ATG3: variants seen among roughly 807,000 people sequenced by gnomAD.
The protein encoded by ATG3 is autophagy related 3.
In ATG3, 25 loss-of-function variants were observed where a neutral mutation model predicts 50.7. The observed-to-expected ratio is 0.49, with a 90% confidence interval of 0.36 to 0.69. The LOEUF is 0.69. ATG3 is among the 30% of genes least tolerant of loss of function. The probability of loss-of-function intolerance (pLI) is 0.00; values close to 1 mark genes in which losing one functional copy is unlikely to be tolerated. For synonymous variants in ATG3, 119 were observed against 125.5 expected, an observed-to-expected ratio of 0.95 and a Z score of 0.34; for missense variants, 281 against 376.0, an observed-to-expected ratio of 0.75 and a Z score of 2.09.
intron 11 of ATG3, 69 bp downstream of exon 11, chr3:112,534,200 A>G (rs1325278994): frequency 1.3e-6 from 2 of 1,517,428 alleles, no homozygotes; most frequent in African/African-American, 2.9e-5. Flanking sequence ...TTAAGGTTAC[A>G]CTAAATTTCT....
intron 2 of ATG3, among the ~76,000 whole-genome samples, chr3:112,556,521 G>A (rs1933687715): frequency 6.6e-6 from 1 of 152,206 alleles, no homozygotes; most frequent in Non-Finnish European, 1.5e-5. Context: ...CCGTCTGGGA[G>A]GTGTACTCAA....
chr3:112,552,077 C>T (rs1376628875), intron 3 of ATG3, among the ~76,000 whole-genome samples: 1 of 144,382 alleles, frequency 6.9e-6, no homozygotes, highest in Non-Finnish European at 1.5e-5. Context: ...GCTAGAAAAA[C>T]ATTATCAATT....
intron 2 of ATG3, among the ~76,000 whole-genome samples, chr3:112,557,422 A>G (rs1190231459): frequency 1.3e-5 from 2 of 152,212 alleles, no homozygotes; most frequent in African/African-American, 4.8e-5. Flanking sequence ...GGTCGAGACC[A>G]TTCTGGCCAA....
At chr3:112,537,995 A>C in intron 8 of ATG3, 105 bp from the exon 9 acceptor site, 1 of 1,293,072 alleles carries the variant, frequency 7.7e-7, no homozygotes, top group Non-Finnish European at 1.1e-6. Context: ...CTTAAGAGTA[A>C]ATGAACTTGG....
chr3:112,551,682 G>GA (rs1428732273), intron 3 of ATG3, among the ~76,000 whole-genome samples: 1 of 151,892 alleles, frequency 6.6e-6, no homozygotes, highest in Non-Finnish European at 1.5e-5. Context: ...TTATCATATA[G>GA]AAAAAAACCT....
intron 2 of ATG3, among the ~76,000 whole-genome samples, chr3:112,554,055 T>C (rs1002939422): frequency 1.3e-5 from 2 of 152,240 alleles, no homozygotes; most frequent in Non-Finnish European, 2.9e-5. Context: ...TTCAGGGAGA[T>C]AAACTTTAAC....
intron 10 of ATG3, chr3:112,535,759 A>G (rs1431214268): frequency 6.6e-6 from 1 of 152,242 alleles, no homozygotes; most frequent in Non-Finnish European, 1.5e-5. Flanking sequence ...TCAACAGAAT[A>G]TGAGTTTCAC....
chr3:112,552,094 T>TA (rs1559847618), intron 3 of ATG3, among the ~76,000 whole-genome samples: 2 of 152,188 alleles, frequency 1.3e-5, no homozygotes, highest in African/African-American at 4.8e-5. Context: ...AATTGGAAAC[T>TA]TATTAATTAT....
Position 112,551,687 on chromosome 3 carries a change from A to C in ATG3, c.165-1425T>G, listed in dbSNP as rs113674531. Among the ~76,000 whole-genome samples, 872 of 152,324 alleles carry C rather than the reference A, an allele frequency of 5.7e-3. 12 individuals are homozygous for C. The highest frequency in any genetic ancestry group is 0.02 in the African/African-American group (820 of 41,574). On this transcript the variant is annotated intron_variant, in intron 3 of 11. Coordinates refer to ENST00000283290, the MANE Select transcript of ATG3 (RefSeq NM_022488.5). The stretch of plus-strand genomic sequence containing the variant: ...AAGAAAATGCTTATCATATAGAAAA[A>C]AACCTGAATCAGTTATTTTCACAAA...
At chr3:112,556,060 T>A (rs1396404916) in intron 2 of ATG3, among the ~76,000 whole-genome samples, 1 of 146,874 alleles carries the variant, frequency 6.8e-6, no homozygotes, top group Admixed American at 6.6e-5. Context: ...TAAAGAGCCA[T>A]GTTCAAATTA....
At chr3:112,541,926 T>C (rs751086230) in intron 6 of ATG3, 42 bp from the exon 7 acceptor site, 12 of 1,507,970 alleles carry the variant, frequency 8.0e-6, no homozygotes, top group South Asian at 1.2e-5. Flanking sequence ...AGTATATACA[T>C]TAATTTGAAC....
At chr3:112,534,641 C>A (rs1932976892) in intron 10 of ATG3, 3 of 168,528 alleles carry the variant, frequency 1.8e-5, no homozygotes, top group Non-Finnish European at 2.5e-5. Context: ...ACAGCAGACA[C>A]CATGGCATTA....
intron 3 of ATG3, among the ~76,000 whole-genome samples, 178 bp from the exon 4 acceptor site, chr3:112,550,440 A>G (rs2705520): frequency 0.98 from 149,550 of 152,294 alleles, 73,435 homozygotes; most frequent in Admixed American, 0.99. Flanking sequence ...GGAGAAAAGC[A>G]CAACAATAAT....
intron 7 of ATG3, among the ~76,000 whole-genome samples, chr3:112,541,216 G>A (rs184248713): frequency 3.3e-5 from 5 of 151,938 alleles, no homozygotes; most frequent in Non-Finnish European, 5.9e-5. Context: ...GTGAAATCCC[G>A]TCTCTACTAA....
intron 3 of ATG3, 111 bp downstream of exon 3, chr3:112,553,168 GA>G (rs1933574801): frequency 4.6e-6 from 4 of 860,946 alleles, no homozygotes; most frequent in East Asian, 5.0e-5. Flanking sequence ...CTGCTGGGGG[GA>G]AAGTTAAACT....
chr3:112,553,961 G>C (rs1027823640), intron 2 of ATG3, among the ~76,000 whole-genome samples: 1 of 152,146 alleles, frequency 6.6e-6, no homozygotes, highest in Non-Finnish European at 1.5e-5. Context: ...TTAACAAATT[G>C]AATTCTCTCT....
intron 11 of ATG3, chr3:112,534,033 CCT>C (rs2082574093): frequency 3.2e-6 from 4 of 1,236,200 alleles, no homozygotes; most frequent in South Asian, 7.2e-5. Flanking sequence ...TTAGTAGTTA[CCT>C]CTGTAACAAG....
chr3:112,533,479 A>G, intron 11 of ATG3: 1 of 985,306 alleles, frequency 1.0e-6, no homozygotes, highest in Non-Finnish European at 1.2e-6. Flanking sequence ...ATATCAAATC[A>G]GTTCAAAGTT....
At chr3:112,542,794 C>T (rs1177603791) in intron 6 of ATG3, among the ~76,000 whole-genome samples, 8 of 151,908 alleles carry the variant, frequency 5.3e-5, no homozygotes, top group Non-Finnish European at 1.2e-4. Flanking sequence ...TTCTAAGTTA[C>T]AAAAAATACT....
Sources: allele counts gnomAD v4.1 joint callset (sites outside exome capture counted in the v4.1 genomes callset), GRCh38; gene constraint gnomAD v4.1.1; transcripts MANE v1.5; gene names NCBI Gene and HGNC (gene_info 2026-07-23, HGNC 2026-07-21).